The following ME3 variants were observed in gnomAD, a reference collection of about 807,000 sequenced individuals.
The protein encoded by ME3 is malic enzyme 3, also known as NADP-dependent malic enzyme, mitochondrial.
ME3 carries 48 observed loss-of-function variants against 68.9 expected under a neutral mutation model. The observed-to-expected ratio is 0.70, with a 90% CI of 0.55 to 0.89. ME3 has a LOEUF of 0.89. Ranked by LOEUF, ME3 falls within the 40% of genes least tolerant of loss-of-function variation. The pLI is 0.00. For synonymous variants in ME3, 320 were observed against 318.8 expected (o/e 1.00, Z -0.04); for missense variants, 675 against 797.4 (o/e 0.85, Z 1.85).
chr11:86,440,699 A>G (rs1181261716), downstream of ME3, among the ~76,000 whole-genome samples: 1 of 152,118 alleles, frequency 6.6e-6, no homozygotes, highest in East Asian at 1.9e-4. Context: ...AAGGGTGTGT[A>G]TGGCTGACAT....
chr11:86,643,107 G>A (rs1363386353), intron 2 of ME3, among the ~76,000 whole-genome samples: 2 of 152,132 alleles, frequency 1.3e-5, no homozygotes, highest in Non-Finnish European at 2.9e-5. Flanking sequence ...TCATGTCTGT[G>A]TTTGCTTCAC....
chr11:86,512,745 C>T (rs1295879179), intron 4 of ME3, among the ~76,000 whole-genome samples: 4 of 152,076 alleles, frequency 2.6e-5, no homozygotes, highest in Admixed American at 6.5e-5. Context: ...CTCCATTTAC[C>T]GCACTAAAGT....
intron 4 of ME3, among the ~76,000 whole-genome samples, chr11:86,526,795 A>C (rs1954789071): frequency 6.6e-6 from 1 of 152,254 alleles, no homozygotes; most frequent in South Asian, 2.1e-4. Flanking sequence ...ACAGACCTGC[A>C]GCTGAGGGTC....
At chr11:86,595,850 G>T (rs949896715) in intron 2 of ME3, among the ~76,000 whole-genome samples, 1 of 152,202 alleles carries the variant, frequency 6.6e-6, no homozygotes, top group Non-Finnish European at 1.5e-5. Context: ...GCTGTTATGG[G>T]GAAAGAAGTT....
chr11:86,464,844 A>T (rs1370847476), intron 8 of ME3, among the ~76,000 whole-genome samples: 4 of 152,250 alleles, frequency 2.6e-5, no homozygotes, highest in Non-Finnish European at 4.4e-5. Context: ...ACATACATTA[A>T]ATCACATAAT....
chr11:86,482,296 G>T (rs916106331), intron 7 of ME3, among the ~76,000 whole-genome samples: 2 of 152,158 alleles, frequency 1.3e-5, no homozygotes, highest in Admixed American at 6.5e-5. Context: ...TGACTATGTA[G>T]CTCTCTGAGA....
At chr11:86,652,259 C>T (rs557215058) in intron 2 of ME3, among the ~76,000 whole-genome samples, 1 of 152,204 alleles carries the variant, frequency 6.6e-6, no homozygotes, top group East Asian at 1.9e-4. Context: ...CAAAGATACT[C>T]CTCGAGAAGA....
chr11:86,572,270 AG>A (rs1957841149), intron 2 of ME3, among the ~76,000 whole-genome samples: 1 of 142,744 alleles, frequency 7.0e-6, no homozygotes, highest in Admixed American at 7.3e-5. Context: ...AAATAACTAA[AG>A]GGAATTTTTT....
chr11:86,475,884 G>GAA (rs1297316212), intron 7 of ME3, among the ~76,000 whole-genome samples: 2 of 143,194 alleles, frequency 1.4e-5, no homozygotes, highest in Non-Finnish European at 3.1e-5. Flanking sequence ...TAGAGAGAGA[G>GAA]AGAGAGAGAG....
intron 2 of ME3, among the ~76,000 whole-genome samples, chr11:86,638,825 A>G (rs1190370508): frequency 6.6e-6 from 1 of 152,244 alleles, no homozygotes; most frequent in African/African-American, 2.4e-5. Context: ...TGGCAGGGTC[A>G]GGATGTAAAT....
chr11:86,602,734 A>G (rs546312341), intron 2 of ME3, among the ~76,000 whole-genome samples: 2 of 152,222 alleles, frequency 1.3e-5, no homozygotes, highest in Non-Finnish European at 2.9e-5. Flanking sequence ...CCAAAACAGC[A>G]TGGGAACCAA....
chr11:86,508,810 C>A, exon 5 of ME3: 1 of 1,612,920 alleles, frequency 6.2e-7, no homozygotes, highest in Non-Finnish European at 8.5e-7. Context: ...TGTCTTCTGG[C>A]CAAGAATTCA....
chr11:86,597,848 T>A (rs547117700), intron 2 of ME3, among the ~76,000 whole-genome samples: 13 of 152,166 alleles, frequency 8.5e-5, no homozygotes, highest in African/African-American at 2.6e-4. Flanking sequence ...TTAAGATACA[T>A]TAACCTTAAG....
chr11:86,444,662 C>T (rs548895058), intron 13 of ME3, among the ~76,000 whole-genome samples: 8 of 152,224 alleles, frequency 5.3e-5, no homozygotes, highest in African/African-American at 1.9e-4. Context: ...CTCACAAGAC[C>T]AGCGATCTTG....
At chr11:86,450,132 C>G (rs970920495) in intron 9 of ME3, 130 bp from the exon 10 acceptor site, 2 of 963,792 alleles carry the variant, frequency 2.1e-6, no homozygotes, top group African/African-American at 3.3e-5. Flanking sequence ...CCAATTAAGT[C>G]CTTGCCTTGA....
intron 2 of ME3, among the ~76,000 whole-genome samples, chr11:86,659,746 C>A (rs971455926): frequency 6.6e-6 from 1 of 152,146 alleles, no homozygotes; most frequent in Non-Finnish European, 1.5e-5. Flanking sequence ...CCTAAATTCC[C>A]ATGGTAGACA....
At chr11:86,588,434 C>A (rs554650240) in intron 2 of ME3, among the ~76,000 whole-genome samples, 2 of 152,296 alleles carry the variant, frequency 1.3e-5, no homozygotes, top group South Asian at 4.1e-4. Flanking sequence ...CTCAGGCTCA[C>A]ACAAATATAG....
chr11:86,594,869 A>G (rs1959193770), intron 2 of ME3, among the ~76,000 whole-genome samples: 1 of 146,202 alleles, frequency 6.8e-6, no homozygotes, highest in African/African-American at 2.5e-5. Flanking sequence ...AATAATGATG[A>G]CAAATCAGTG....
rs376040398 is a variant in ME3 at position 86,458,502 on chromosome 11, C to T, written c.919+6589G>A. On this transcript the variant is annotated intron_variant, in intron 8 of 14. Coordinates refer to ENST00000543262, the Ensembl canonical transcript of ME3. ...CATCTTCTTGGCTTCTCTGGAGGTTCGGCTGTTGCAACAGCTAAAAGGGGA... is the reference window on the plus strand; with the variant it reads ...CATCTTCTTGGCTTCTCTGGAGGTTTGGCTGTTGCAACAGCTAAAAGGGGA... Among the ~76,000 whole-genome samples the T allele has an allele frequency of 1.8e-4, 28 of 151,618 alleles. 2 individuals carry two copies. In the South Asian group the frequency reaches 5.2e-3, roughly 28 times the overall value.
Sources: gnomAD v4.1 joint callset for allele counts (sites outside exome capture counted in the v4.1 genomes callset) on GRCh38, gnomAD v4.1.1 for gene constraint, MANE v1.5 for transcripts, NCBI Gene and HGNC (gene_info 2026-07-23, HGNC 2026-07-21) for gene names.